Variants in PDXK observed in about 807,000 individuals in gnomAD.
PDXK encodes pyridoxal kinase, also known as epididymis secretory sperm binding protein Li 1a.
A neutral mutation model predicts 43.2 loss-of-function variants in PDXK; 15 were observed. The ratio of observed to expected loss-of-function variants is 0.35; its 90% CI spans 0.23 to 0.53. The LOEUF is 0.53. PDXK is among the 20% of genes least tolerant of loss of function. PDXK has a pLI of 0.92. For synonymous variants in PDXK, 172 were observed against 165.4 expected, an observed-to-expected ratio of 1.04 and a Z score of -0.31; for missense variants, 343 against 417.0, an observed-to-expected ratio of 0.82 and a Z score of 1.54.
rs1328171950 is a variant in PDXK, at chr21:43,737,432, T to C, written c.142+3309T>C. The C allele has an allele frequency of 7.2e-5, 79 of 1,095,038 alleles. No individual in the cohort carries two copies. The highest frequency in any genetic ancestry group is 8.7e-5 in the Non-Finnish European group (78 of 895,190). The allele number at this position is 1,095,038 out of a possible 1,614,324, so 67.8% of individuals were successfully genotyped here. On this transcript the variant is annotated intron_variant, in intron 2 of 10. Coordinates refer to ENST00000291565, the MANE Select transcript of PDXK (RefSeq NM_003681.5). The surrounding 1 kb of genome is among the most constrained non-coding windows in gnomAD (Gnocchi z 4.8). ...TCCACCTTGTGGCCAGTATTCCCAG[T>C]GGCCCCTTTGAGAGGATTTCCTGGA...
intron 2 of PDXK, among the ~76,000 whole-genome samples, chr21:43,739,887 C>T (rs1389114925): frequency 6.6e-6 from 1 of 151,812 alleles, no homozygotes; most frequent in Non-Finnish European, 1.5e-5. Context: ...CCTCCCTCCT[C>T]CTACCCCTTA....
chr21:43,746,442 C>T (rs557542910), intron 5 of PDXK, among the ~76,000 whole-genome samples: 5 of 151,850 alleles, frequency 3.3e-5, no homozygotes, highest in African/African-American at 9.7e-5. Flanking sequence ...CTTATTGAGA[C>T]AGAGTCTCAC....
chr21:43,726,012 TTCTCTCTCTC>T (rs60147387), intron 1 of PDXK, among the ~76,000 whole-genome samples: 7 of 147,750 alleles, frequency 4.7e-5, no homozygotes, highest in South Asian at 2.2e-4. Context: ...CTAGCTGGGA[TTCTCTCTCTC>T]TCTCTCTCTC....
At chr21:43,750,658 C>A in intron 7 of PDXK, 113 bp downstream of exon 7, 1 of 726,486 alleles carries the variant, frequency 1.4e-6, no homozygotes, top group Non-Finnish European at 2.3e-6. Flanking sequence ...AGTGACTGAA[C>A]AGTCTGTACC....
At position 43,757,581 on chromosome 21, in the gene PDXK, G is replaced by A. The variant is rs1240904496; in HGVS notation, c.*1518G>A. 2.6e-5 allele frequency: 4 copies of A among 152,208 alleles called. No homozygotes were observed. Among genetic ancestry groups the A allele is most frequent in the African/African-American group, 9.7e-5 (4 of 41,412 alleles). 9.4% of individuals were successfully genotyped at this position (152,208 alleles called of 1,614,324 possible). A position where few individuals can be genotyped will look rare whatever the true frequency, so the allele number is the denominator to read the frequency against. On this transcript the variant is annotated 3_prime_UTR_variant, in exon 11 of 11. Transcript: ENST00000291565. Reference sequence around the variant, plus strand: ...GTTCTTTGTTGAAAAATGCCCTGAAGCGAAAAGATGCAGGTTTATATGGAA... The same window carrying A: ...GTTCTTTGTTGAAAAATGCCCTGAAACGAAAAGATGCAGGTTTATATGGAA...
rs1327068686 is a variant in PDXK, at chr21:43,754,634, G to C, written c.759+915G>C. 2.6e-5 allele frequency among the ~76,000 whole-genome samples: 4 copies of C among 152,186 alleles called. No individual in the cohort carries two copies. Among genetic ancestry groups the C allele is most frequent in the Non-Finnish European group, 5.9e-5 (4 of 68,030 alleles). ...TCCCACTGCGTCCGCAGTGGGTTCA[G>C]GTGGGAGGGAGGGGCCTGCCATCCC... is the stretch of plus-strand genomic sequence containing the variant. On this transcript the variant is annotated intron_variant, in intron 9 of 10. Coordinates refer to ENST00000291565, the MANE Select transcript of PDXK (RefSeq NM_003681.5). The surrounding 1 kb of genome is among the most constrained non-coding windows in gnomAD (Gnocchi z 5.5).
intron 1 of PDXK, among the ~76,000 whole-genome samples, chr21:43,733,256 CCCCCCCCCG>C (rs1413859024): frequency 1.0e-5 from 1 of 100,006 alleles, no homozygotes; most frequent in Non-Finnish European, 2.0e-5. Flanking sequence ...CATCCCCACC[CCCCCCCCCG>C]CCCCCCCCGC....
chr21:43,724,144 T>C (rs925053624), intron 1 of PDXK, among the ~76,000 whole-genome samples: 18 of 152,182 alleles, frequency 1.2e-4, no homozygotes, highest in Non-Finnish European at 2.6e-4. Context: ...GGTCCGTCGG[T>C]GCGGAGCAGA....
intron 1 of PDXK, among the ~76,000 whole-genome samples, chr21:43,725,368 T>G (rs141846163): frequency 1.3e-5 from 2 of 152,222 alleles, no homozygotes; most frequent in Admixed American, 6.5e-5. Context: ...CTTTACATTT[T>G]TTCTTAGAAT....
chr21:43,743,835 G>T (rs755295125), intron 4 of PDXK, 28 bp downstream of exon 4: 3 of 1,549,176 alleles, frequency 1.9e-6, no homozygotes, highest in Non-Finnish European at 2.7e-6. Context: ...CTCGGGTCTG[G>T]CTGTGTGGCC....
At chr21:43,731,489 G>T (rs1054566937) in intron 1 of PDXK, among the ~76,000 whole-genome samples, 4 of 152,202 alleles carry the variant, frequency 2.6e-5, no homozygotes, top group African/African-American at 9.7e-5. Flanking sequence ...TAGGGACAGG[G>T]TTTACTGTAA....
chr21:43,729,057 GC>G (rs1442775183), intron 1 of PDXK: 2 of 936,470 alleles, frequency 2.1e-6, no homozygotes, highest in Non-Finnish European at 2.5e-6. Context: ...GCAAAGCCCA[GC>G]CCCCCACCCC....
At position 43,746,071 on chromosome 21, in the gene PDXK, C is replaced by G. The variant is rs773224253; in HGVS notation, c.332-8C>G. 9 of 1,611,214 alleles carry G rather than the reference C, an allele frequency of 5.6e-6. No individual in the cohort carries two copies. The African/African-American group carries it at 1.2e-4, about 22-fold the overall frequency. ...CTTTGCTGATAAGATGCCCTTGTGT[C>G]TCTGCAGTGTGTGATCCAGTCTTGG... is the stretch of plus-strand genomic sequence containing the variant. On this transcript the variant is annotated splice_polypyrimidine_tract_variant and splice_region_variant and intron_variant, in intron 4 of 10. Transcript: ENST00000291565.
rs753956100 is a variant in PDXK at position 43,756,107 on chromosome 21, C to T, written c.*44C>T. The T allele has an allele frequency of 3.4e-5, 38 of 1,115,492 alleles. No homozygotes were observed. The highest frequency in any genetic ancestry group is 2.3e-4 in the East Asian group (9 of 39,754). The allele number at this position is 1,115,492 out of a possible 1,614,324, so 69.1% of individuals were successfully genotyped here. A position where few individuals can be genotyped will look rare whatever the true frequency, so the allele number is the denominator to read the frequency against. The stretch of plus-strand genomic sequence containing the variant: ...GTGACACGCAGCGCGTTGGTGTCTC[C>T]GTGTTTGTCCCTGTGAAAACATGTA... On this transcript the variant is annotated 3_prime_UTR_variant, in exon 11 of 11. Transcript: ENST00000291565.
At chr21:43,733,720 T>G in intron 1 of PDXK, 8 of 1,073,962 alleles carry the variant, frequency 7.4e-6, no homozygotes, top group East Asian at 1.1e-4. Context: ...TTGCCTTCGT[T>G]TTATTGTTTG....
chr21:43,719,700 C>T (rs1601774361), intron 1 of PDXK: 1 of 985,438 alleles, frequency 1.0e-6, no homozygotes. Context: ...GGCCAACTGC[C>T]GCGGGGGCGG....
chr21:43,735,904 A>G lies in PDXK; in HGVS notation c.142+1781A>G, dbSNP rs2083393107. Among the ~76,000 whole-genome samples the G allele has an allele frequency of 6.6e-6, 1 of 151,960 alleles. No individual in the cohort carries two copies. The highest frequency in any genetic ancestry group is 6.6e-5 in the Admixed American group (1 of 15,264). ...GCTCCCCTTCCCTCGCCCCTGCCACACTGTGCTGCTGGGGAGTGAGGCTGG... is the reference window on the plus strand; with the variant it reads ...GCTCCCCTTCCCTCGCCCCTGCCACGCTGTGCTGCTGGGGAGTGAGGCTGG... On this transcript the variant is annotated intron_variant, in intron 2 of 10. Coordinates refer to ENST00000291565, the MANE Select transcript of PDXK (RefSeq NM_003681.5). The surrounding 1 kb of genome is among the most constrained non-coding windows in gnomAD (Gnocchi z 5.3).
chr21:43,759,803 C>G lies in PDXK; in HGVS notation c.*3740C>G, dbSNP rs1174721871. ...TCCACGCCGCCTCTCACTGCCAGGC[C>G]AGCGGCTTCCGCTGAGACTCGCTGG... On this transcript the variant is annotated 3_prime_UTR_variant, in exon 11 of 11. Coordinates refer to ENST00000291565, the MANE Select transcript of PDXK (RefSeq NM_003681.5). 6.6e-6 allele frequency: 1 copy of G among 152,362 alleles called. No homozygotes were observed. The highest frequency in any genetic ancestry group is 2.4e-5 in the African/African-American group (1 of 41,476). 9.4% of individuals were successfully genotyped at this position (152,362 alleles called of 1,614,324 possible).
chr21:43,741,859 G>C (rs1328843437), intron 3 of PDXK, 88 bp downstream of exon 3: 1 of 850,304 alleles, frequency 1.2e-6, no homozygotes. Flanking sequence ...CCCCCGCCCT[G>C]GGCCTGTCTC....
Sources: gnomAD v4.1 joint callset for allele counts (sites outside exome capture counted in the v4.1 genomes callset) on GRCh38, gnomAD v4.1.1 for gene constraint, Gnocchi (gnomAD v3.1) non-coding constraint, MANE v1.5 for transcripts, NCBI Gene and HGNC (gene_info 2026-07-23, HGNC 2026-07-21) for gene names.